LRRC7: variants seen among roughly 807,000 people sequenced by gnomAD.
The protein encoded by LRRC7 is leucine rich repeat containing 7, also known as leucine-rich repeat-containing protein 7.
In LRRC7, 23 loss-of-function variants were observed where a neutral mutation model predicts 175.7. That is an observed-to-expected ratio of 0.13 (90% CI 0.09 to 0.19). The LOEUF is 0.19. Ranked by LOEUF, LRRC7 falls within the 10% of genes least tolerant of loss-of-function variation. The pLI, the probability that LRRC7 is intolerant of heterozygous loss-of-function variation, is 1.00. For missense variants in LRRC7, 1,354 were observed against 1,904.7 expected (o/e 0.71, Z 5.38); for synonymous variants, 685 against 680.9 (o/e 1.01, Z -0.09).
chr1:70,046,973 G>A (rs1318871778), intron 22 of LRRC7, among the ~76,000 whole-genome samples: 1 of 152,022 alleles, frequency 6.6e-6, no homozygotes, highest in African/African-American at 2.4e-5. Context: ...GAGGAGATAG[G>A]CAAAAATTAC....
At chr1:69,902,745 C>CA (rs955895407) in intron 7 of LRRC7, among the ~76,000 whole-genome samples, 2 of 152,088 alleles carry the variant, frequency 1.3e-5, no homozygotes, top group African/African-American at 2.4e-5. Flanking sequence ...ATCACATTGA[C>CA]AAAAAATTAA....
At chr1:69,790,729 G>A (rs1675006227) in intron 3 of LRRC7, among the ~76,000 whole-genome samples, 1 of 151,794 alleles carries the variant, frequency 6.6e-6, no homozygotes, top group Non-Finnish European at 1.5e-5. Flanking sequence ...TATTTAGAAG[G>A]AAAATTAATA....
chr1:70,013,408 GA>G (rs1405652329), intron 13 of LRRC7, among the ~76,000 whole-genome samples: 1 of 151,628 alleles, frequency 6.6e-6, no homozygotes, highest in Non-Finnish European at 1.5e-5. Flanking sequence ...TAAAAATATA[GA>G]AAATATATTA....
Position 70,137,500 on chromosome 1 carries a change from A to T in LRRC7, c.*15613A>T, listed in dbSNP as rs1666917974. Among the ~76,000 whole-genome samples the T allele has an allele frequency of 6.6e-6, 1 of 152,232 alleles. No individual in the cohort carries two copies. The highest frequency in any genetic ancestry group is 1.5e-5 in the Non-Finnish European group (1 of 68,038). ...GACTTGCATATCTTTAACACTTATC[A>T]TGTACCTACATACAAGGAAAACATT... On this transcript the variant is annotated 3_prime_UTR_variant, in exon 27 of 27. Coordinates refer to ENST00000651989, the MANE Select transcript of LRRC7 (RefSeq NM_001370785.2).
chr1:69,857,652 G>A (rs1229059448), intron 7 of LRRC7, among the ~76,000 whole-genome samples: 1 of 152,062 alleles, frequency 6.6e-6, no homozygotes, highest in Non-Finnish European at 1.5e-5. Flanking sequence ...TCATGGATAG[G>A]AAGAATCAAT....
At chr1:69,681,571 A>G (rs1277399578) in intron 2 of LRRC7, among the ~76,000 whole-genome samples, 1 of 152,208 alleles carries the variant, frequency 6.6e-6, no homozygotes, top group African/African-American at 2.4e-5. Context: ...TAAACTTTCA[A>G]TAAAAATGGA....
intron 4 of LRRC7, among the ~76,000 whole-genome samples, chr1:69,796,265 A>G (rs1407316176): frequency 6.6e-6 from 1 of 151,614 alleles, no homozygotes; most frequent in Non-Finnish European, 1.5e-5. Context: ...GATGGTTTCC[A>G]GTTTCATCCA....
intron 7 of LRRC7, among the ~76,000 whole-genome samples, chr1:69,911,331 G>A (rs770530148): frequency 6.6e-6 from 1 of 152,156 alleles, no homozygotes; most frequent in Non-Finnish European, 1.5e-5. Flanking sequence ...TTCCTATTCG[G>A]CCTTCTTGGC....
At chr1:69,952,325 C>T (rs960205104) in intron 8 of LRRC7, among the ~76,000 whole-genome samples, 1 of 151,906 alleles carries the variant, frequency 6.6e-6, no homozygotes, top group Non-Finnish European at 1.5e-5. Flanking sequence ...TTATTCCTTG[C>T]CCAAATGCAT....
chr1:70,054,755 A>C (rs1324937970), intron 23 of LRRC7, among the ~76,000 whole-genome samples: 2 of 151,782 alleles, frequency 1.3e-5, no homozygotes, highest in Non-Finnish European at 2.9e-5. Flanking sequence ...GCCTGCCACC[A>C]TGCCTGGCCA....
At position 70,132,467 on chromosome 1, in the gene LRRC7, T is replaced by C. The variant is rs1243542838; in HGVS notation, c.*10580T>C. On this transcript the variant is annotated 3_prime_UTR_variant, in exon 27 of 27. Coordinates refer to ENST00000651989, the MANE Select transcript of LRRC7 (RefSeq NM_001370785.2). ...CTTTTCTTTTCTTTTCTTTTTTTTTTTTTTTTTTTTTTTTTTGAGACGGAG... is the reference window on the plus strand; with the variant it reads ...CTTTTCTTTTCTTTTCTTTTTTTTTCTTTTTTTTTTTTTTTTGAGACGGAG... 2.3e-5 allele frequency among the ~76,000 whole-genome samples: 3 copies of C among 132,410 alleles called. No homozygotes were observed. Among genetic ancestry groups the C allele is most frequent in the Admixed American group, 7.6e-5 (1 of 13,130 alleles). The allele number at this position is 132,410 out of a possible 152,430, so 86.9% of individuals were successfully genotyped here.
intron 8 of LRRC7, among the ~76,000 whole-genome samples, chr1:69,949,944 G>A (rs533328843): frequency 4.7e-4 from 71 of 151,904 alleles, no homozygotes; most frequent in African/African-American, 1.6e-3. Flanking sequence ...AATCTACTTC[G>A]TGTCTTCTAC....
chr1:69,573,956 C>A (rs1569588658), intron 1 of LRRC7, among the ~76,000 whole-genome samples: 1 of 152,184 alleles, frequency 6.6e-6, no homozygotes, highest in East Asian at 1.9e-4. Context: ...CTTAAAGATG[C>A]AGTTTCTTCA....
rs1486438638 is a variant in LRRC7, at chr1:70,116,559, A to AAAC, written c.4621-5219_4621-5218insCAA. ...AAGACTCCATGTCAAAAAAAAAAAA[A>AAAC]AAAAAACACAGAAATTCTTATTTAT... On this transcript the variant is annotated intron_variant, in intron 26 of 26. Transcript: ENST00000651989. Among the ~76,000 whole-genome samples the AAAC allele has an allele frequency of 3.9e-3, 596 of 151,994 alleles. 5 individuals carry two copies. Among genetic ancestry groups the AAAC allele is most frequent in the African/African-American group, 0.013 (559 of 41,448 alleles).
chr1:70,112,583 C>G (rs1321554542), intron 26 of LRRC7, among the ~76,000 whole-genome samples: 1 of 152,048 alleles, frequency 6.6e-6, no homozygotes, highest in African/African-American at 2.4e-5. Flanking sequence ...AAGTGTGTAT[C>G]CTGGGATGCA....
chr1:69,984,213 C>T (rs576382899), intron 9 of LRRC7, among the ~76,000 whole-genome samples: 3 of 152,042 alleles, frequency 2.0e-5, no homozygotes, highest in East Asian at 1.9e-4. Context: ...CGTGAGCCAC[C>T]GCGCCCAGCA....
At chr1:69,835,210 T>A (rs1264966075) in intron 6 of LRRC7, among the ~76,000 whole-genome samples, 1 of 151,806 alleles carries the variant, frequency 6.6e-6, no homozygotes, top group Non-Finnish European at 1.5e-5. Flanking sequence ...AAGAAAAATA[T>A]CATAAATGGA....
rs1666598619 is a variant in LRRC7, at chr1:70,129,879, G to A, written c.*7992G>A. ...CTTTTCTTCACCCTATGCATACTCA[G>A]TGTTTTAGACACATATAAATCCTTA... is the stretch of plus-strand genomic sequence containing the variant. On this transcript the variant is annotated 3_prime_UTR_variant, in exon 27 of 27. Coordinates refer to ENST00000651989, the MANE Select transcript of LRRC7 (RefSeq NM_001370785.2). Among the ~76,000 whole-genome samples, 1 of 152,160 alleles carries A rather than the reference G, an allele frequency of 6.6e-6. No homozygotes were observed.
intron 2 of LRRC7, among the ~76,000 whole-genome samples, chr1:69,722,426 G>A (rs1666462274): frequency 6.6e-6 from 1 of 151,884 alleles, no homozygotes; most frequent in South Asian, 2.1e-4. Context: ...TATGTACAAT[G>A]GTATGCCTTT....
Sources: gnomAD v4.1 joint callset for allele counts (sites outside exome capture counted in the v4.1 genomes callset) on GRCh38, gnomAD v4.1.1 for gene constraint, MANE v1.5 for transcripts, NCBI Gene and HGNC (gene_info 2026-07-23, HGNC 2026-07-21) for gene names.